The following PARD3 variants were observed in gnomAD, a reference collection of about 807,000 sequenced individuals.
PARD3 encodes par-3 family cell polarity regulator, also known as partitioning defective 3 homolog.
PARD3 carries 75 observed loss-of-function variants against 155.4 expected under a neutral mutation model. The ratio of observed to expected loss-of-function variants is 0.48; its 90% CI spans 0.40 to 0.58. PARD3 has a LOEUF of 0.58. Ranked by LOEUF, PARD3 falls within the 20% of genes least tolerant of loss-of-function variation. PARD3 has a pLI of 0.00. For missense variants in PARD3, 1,642 were observed against 1,721.7 expected, an observed-to-expected ratio of 0.95 and a Z score of 0.82; for synonymous variants, 576 against 610.5, an observed-to-expected ratio of 0.94 and a Z score of 0.83.
At chr10:34,794,230 C>T (rs7088268) in intron 1 of PARD3, among the ~76,000 whole-genome samples, 50,346 of 151,894 alleles carry the variant, frequency 0.33, 8,947 homozygotes, top group African/African-American at 0.47. Flanking sequence ...ACCACCTATA[C>T]CCTTTCCACT....
chr10:34,137,763 A>G (rs149617432), intron 22 of PARD3, among the ~76,000 whole-genome samples: 95 of 152,312 alleles, frequency 6.2e-4, no homozygotes, highest in African/African-American at 1.9e-3. Flanking sequence ...CCTGCAGCTT[A>G]TAAGTCAAGC....
intron 1 of PARD3, among the ~76,000 whole-genome samples, chr10:34,750,500 CA>C (rs1835880862): frequency 1.4e-5 from 2 of 145,816 alleles, no homozygotes; most frequent in Non-Finnish European, 3.0e-5. Flanking sequence ...CACACACACA[CA>C]CACACACACC....
intron 22 of PARD3, among the ~76,000 whole-genome samples, chr10:34,180,151 G>A (rs1046883845): frequency 3.3e-5 from 5 of 152,070 alleles, no homozygotes; most frequent in African/African-American, 7.2e-5. Context: ...GGGTTCAAGC[G>A]ATTCTCCTGC....
intron 2 of PARD3, among the ~76,000 whole-genome samples, chr10:34,615,906 A>G (rs1321025185): frequency 6.6e-6 from 1 of 152,234 alleles, no homozygotes; most frequent in Admixed American, 6.5e-5. Context: ...ATCTCACCCC[A>G]GTTAGAATAG....
intron 5 of PARD3, among the ~76,000 whole-genome samples, chr10:34,448,164 TAC>T (rs1164043808): frequency 0.01 from 1,491 of 143,458 alleles, 24 homozygotes; most frequent in African/African-American, 0.04. Context: ...TGTGTGTGTG[TAC>T]ACATAAATGT....
chr10:34,297,383 C>T (rs1956956930), intron 20 of PARD3, among the ~76,000 whole-genome samples: 1 of 152,112 alleles, frequency 6.6e-6, no homozygotes, highest in Non-Finnish European at 1.5e-5. Context: ...TGATAACTGG[C>T]ACTATTAAAT....
chr10:34,712,375 C>A (rs567470341), intron 1 of PARD3, among the ~76,000 whole-genome samples: 4 of 152,232 alleles, frequency 2.6e-5, no homozygotes, highest in Non-Finnish European at 4.4e-5. Context: ...ACCATGAAAG[C>A]AGGCACCTGG....
At chr10:34,455,636 A>G (rs2132864767) in intron 4 of PARD3, among the ~76,000 whole-genome samples, 1 of 152,332 alleles carries the variant, frequency 6.6e-6, no homozygotes, top group African/African-American at 2.4e-5. Flanking sequence ...TCACACACAC[A>G]AAACGCAGGC....
intron 22 of PARD3, among the ~76,000 whole-genome samples, chr10:34,269,204 C>T (rs936350907): frequency 1.3e-5 from 2 of 151,906 alleles, no homozygotes; most frequent in African/African-American, 4.8e-5. Context: ...TCTCATTTAC[C>T]GATTCTTTCA....
chr10:34,238,656 GC>G (rs1953387391), intron 22 of PARD3, among the ~76,000 whole-genome samples: 2 of 152,146 alleles, frequency 1.3e-5, no homozygotes, highest in Non-Finnish European at 2.9e-5. Flanking sequence ...ACCATGCAGT[GC>G]TGAACACTTT....
rs867839972 is a variant in PARD3 at position 34,673,279 on chromosome 10, G to T, written c.222+23039C>A. On this transcript the variant is annotated intron_variant, in intron 2 of 24. Transcript: ENST00000374788. ...TTTGGGAGAAAGCTTATTTGCCACAGATTAAACTAAAGATAGCAAAAACTT... is the reference window on the plus strand; with the variant it reads ...TTTGGGAGAAAGCTTATTTGCCACATATTAAACTAAAGATAGCAAAAACTT... Among the ~76,000 whole-genome samples, 3 of 152,230 alleles carry T rather than the reference G, an allele frequency of 2.0e-5. No homozygotes were observed. In the South Asian group the frequency reaches 6.2e-4, roughly 32 times the overall value.
At chr10:34,711,426 C>T (rs1456210527) in intron 1 of PARD3, among the ~76,000 whole-genome samples, 3 of 151,988 alleles carry the variant, frequency 2.0e-5, no homozygotes, top group Non-Finnish European at 4.4e-5. Flanking sequence ...GAGGCTGAGG[C>T]AGAAGAATCC....
intron 20 of PARD3, among the ~76,000 whole-genome samples, chr10:34,300,631 TA>T (rs5784407): frequency 0.62 from 91,658 of 148,158 alleles, 28,129 homozygotes; most frequent in African/African-American, 0.66. Context: ...AGATCTTGTT[TA>T]AAAAAAAAAA....
At chr10:34,468,224 A>C (rs1032558419) in intron 4 of PARD3, among the ~76,000 whole-genome samples, 2 of 152,254 alleles carry the variant, frequency 1.3e-5, no homozygotes, top group Non-Finnish European at 2.9e-5. Context: ...AGGACCACCT[A>C]GGACCTGCTC....
At chr10:34,776,375 C>T (rs1839525735) in intron 1 of PARD3, among the ~76,000 whole-genome samples, 1 of 152,062 alleles carries the variant, frequency 6.6e-6, no homozygotes, top group Non-Finnish European at 1.5e-5. Flanking sequence ...CTGAGAAAGA[C>T]AGAATGGCAT....
chr10:34,131,166 G>A (rs1241174836), intron 23 of PARD3, among the ~76,000 whole-genome samples: 1 of 152,176 alleles, frequency 6.6e-6, no homozygotes, highest in Non-Finnish European at 1.5e-5. Context: ...TGTATCTACA[G>A]AAAAATATTT....
At chr10:34,572,933 C>T (rs190861177) in intron 2 of PARD3, among the ~76,000 whole-genome samples, 2 of 151,934 alleles carry the variant, frequency 1.3e-5, no homozygotes, top group Admixed American at 6.6e-5. Context: ...TAAATAATAT[C>T]TTATTTTCTA....
chr10:34,546,206 A>T (rs1215696255), intron 2 of PARD3, among the ~76,000 whole-genome samples: 4 of 151,646 alleles, frequency 2.6e-5, no homozygotes, highest in African/African-American at 9.7e-5. Flanking sequence ...CTTTTTTTTG[A>T]AGTTAACAGT....
chr10:34,312,388 TGA>T (rs1564572653), intron 20 of PARD3: 2 of 1,612,622 alleles, frequency 1.2e-6, no homozygotes, highest in Middle Eastern at 1.7e-4. Flanking sequence ...CAAGGCTAAA[TGA>T]GAGACACGGT....
Sources: allele counts gnomAD v4.1 joint callset (sites outside exome capture counted in the v4.1 genomes callset), GRCh38; gene constraint gnomAD v4.1.1; transcripts MANE v1.5; gene names NCBI Gene and HGNC (gene_info 2026-07-23, HGNC 2026-07-21).